The following GOLGA8S variants were observed in gnomAD, a reference collection of about 807,000 sequenced individuals.
The protein encoded by GOLGA8S is golgin A8 family member S, also known as golgin subfamily A member 8S.
GOLGA8S carries 23 observed loss-of-function variants against 58.9 expected under a neutral mutation model. The observed-to-expected ratio is 0.39, with a 90% CI of 0.28 to 0.55. The LOEUF (loss-of-function observed/expected upper bound fraction) is 0.55. Ranked by LOEUF, GOLGA8S falls within the 20% of genes least tolerant of loss-of-function variation. The probability of loss-of-function intolerance (pLI) is 0.63; values close to 1 mark genes in which losing one functional copy is unlikely to be tolerated. For missense variants in GOLGA8S, 266 were observed against 514.2 expected, an observed-to-expected ratio of 0.52 and a Z score of 4.67; for synonymous variants, 84 against 195.7, an observed-to-expected ratio of 0.43 and a Z score of 4.76.
At chr15:23,365,847 A>G (rs4036669), downstream of GOLGA8S, 4 of 157,624 alleles carry the variant, frequency 2.5e-5, no homozygotes, top group East Asian at 1.9e-4. Context: ...AGGAATTAGC[A>G]GTGTATTATG....
chr15:23,366,642 G>C (rs1002647551), downstream of GOLGA8S: 4 of 151,842 alleles, frequency 2.6e-5, 1 homozygote, highest in African/African-American at 9.7e-5. Context: ...GTATCTCTGG[G>C]TTTCTGTTCG....
downstream of GOLGA8S, among the ~76,000 whole-genome samples, chr15:23,367,633 T>C (rs1042361894): frequency 6.6e-6 from 1 of 151,862 alleles, no homozygotes; most frequent in African/African-American, 2.4e-5. Flanking sequence ...TGTATGACAA[T>C]AACTTAAGTC....
intron 4 of GOLGA8S, among the ~76,000 whole-genome samples, chr15:23,358,271 C>T (rs1347493208): frequency 6.6e-5 from 10 of 152,172 alleles, no homozygotes; most frequent in African/African-American, 2.2e-4. Context: ...ACCTTCAGTT[C>T]TGTGGCTGTG....
intron 4 of GOLGA8S, among the ~76,000 whole-genome samples, chr15:23,357,956 A>T (rs187176091): frequency 1.3e-5 from 2 of 149,736 alleles, no homozygotes; most frequent in African/African-American, 4.9e-5. Flanking sequence ...TTGATTCTGG[A>T]CAAGCCACCT....
chr15:23,360,982 C>T (rs1171507695), intron 11 of GOLGA8S, among the ~76,000 whole-genome samples, 167 bp downstream of exon 11: 4 of 148,514 alleles, frequency 2.7e-5, no homozygotes, highest in African/African-American at 9.9e-5. Flanking sequence ...CCTCAGTGTC[C>T]CCATCAGCAA....
intron 15 of GOLGA8S, among the ~76,000 whole-genome samples, chr15:23,364,119 G>A (rs1298963542): frequency 7.3e-6 from 1 of 137,102 alleles, no homozygotes; most frequent in Non-Finnish European, 1.6e-5. Flanking sequence ...GCCAGCGCCT[G>A]GCTCACCTGG....
chr15:23,359,421 G>A (rs1315894066), intron 8 of GOLGA8S, among the ~76,000 whole-genome samples: 3 of 146,912 alleles, frequency 2.0e-5, no homozygotes, highest in East Asian at 3.9e-4. Flanking sequence ...AGCACAGGAC[G>A]TAGAGCTTGG....
In GOLGA8S at chr15:23,359,378, C is replaced by T. The variant is rs553199815; in HGVS notation, c.591+169C>T. 5.1e-4 allele frequency among the ~76,000 whole-genome samples: 74 copies of T among 145,740 alleles called. 3 individuals are homozygous for T. Among genetic ancestry groups the T allele is most frequent in the African/African-American group, 1.7e-3 (68 of 39,098 alleles). ...CGGCAGCTTGGGACTGAGTCAGCTG[C>T]TGTGGGTGAGTTGGGGGGCACTCTG... On this transcript the variant is annotated intron_variant, in intron 8 of 18. Transcript: ENST00000562295.
At chr15:23,355,095 C>T (rs1234762828) in intron 1 of GOLGA8S, among the ~76,000 whole-genome samples, 5 of 68,564 alleles carry the variant, frequency 7.3e-5, no homozygotes, top group East Asian at 8.1e-4. Flanking sequence ...CACCAATCAC[C>T]CCAGGGTGAC....
Position 23,364,453 on chromosome 15 carries a change from AG to A in GOLGA8S, c.1448+12del. ...AAGAGAGATGCCATCAGTGAGTGGG[AG>A]GCCAGGGCACAGCAGGGGGAGCTAC... On this transcript the variant is annotated intron_variant, in intron 16 of 18. Coordinates refer to ENST00000562295, the Ensembl canonical transcript of GOLGA8S. 2 of 1,604,652 alleles carry A rather than the reference AG, an allele frequency of 1.2e-6. No homozygotes were observed. Among genetic ancestry groups the A allele is most frequent in the Non-Finnish European group, 1.7e-6 (2 of 1,178,700 alleles).
chr15:23,359,296 T>G, intron 8 of GOLGA8S, 87 bp downstream of exon 8: 1 of 667,804 alleles, frequency 1.5e-6, no homozygotes, highest in Non-Finnish European at 2.7e-6. Context: ...CAGGATGGAG[T>G]GTCCTGCCCA....
At chr15:23,365,430 A>G, downstream of GOLGA8S, 1 of 527,670 alleles carries the variant, frequency 1.9e-6, no homozygotes, top group Admixed American at 3.3e-5. Context: ...GTTCAAACAC[A>G]CAAAGACCCA....
At chr15:23,367,808 AT>A (rs2069945904), downstream of GOLGA8S, among the ~76,000 whole-genome samples, 1 of 151,936 alleles carries the variant, frequency 6.6e-6, no homozygotes, top group Non-Finnish European at 1.5e-5. Flanking sequence ...CACTGAATAC[AT>A]TTTAATTTCT....
rs1339287623 is a variant in GOLGA8S at position 23,361,235 on chromosome 15, C to T, written c.889C>T (p.Pro297Ser). 8.7e-6 allele frequency: 13 copies of T among 1,488,356 alleles called. 1 individual carries two copies. Among genetic ancestry groups the T allele is most frequent in the Non-Finnish European group, 1.2e-5 (13 of 1,079,424 alleles). The allele number at this position is 1,488,356 out of a possible 1,614,324, so 92.2% of individuals were successfully genotyped here. ...TCCTTTCTCAGCTGAACCTCTGCCCCCGGAGCCCCCAGCAGTGCCCTCTGA... is the reference window on the plus strand; with the variant it reads ...TCCTTTCTCAGCTGAACCTCTGCCCTCGGAGCCCCCAGCAGTGCCCTCTGA... The change falls in exon 12 of 19, where the codon CCG becomes TCG. Residue 297 changes from proline to serine, a missense_variant. Coordinates refer to ENST00000562295, the Ensembl canonical transcript of GOLGA8S.
chr15:23,361,335 A>C (rs1415033057), exon 12 of GOLGA8S: 2 of 1,189,076 alleles, frequency 1.7e-6, no homozygotes, highest in African/African-American at 3.0e-5. Context: ...GAGTACAATC[A>C]GCGCATAAGT....
intron 4 of GOLGA8S, among the ~76,000 whole-genome samples, chr15:23,358,134 G>GT (rs2069717548): frequency 6.6e-6 from 1 of 152,166 alleles, no homozygotes; most frequent in Non-Finnish European, 1.5e-5. Context: ...TGGCCCATAC[G>GT]TGCTCAGTAA....
chr15:23,364,061 G>GAGAAGC (rs2069859513), intron 15 of GOLGA8S, among the ~76,000 whole-genome samples: 1 of 136,322 alleles, frequency 7.3e-6, no homozygotes, highest in African/African-American at 2.6e-5. Context: ...TAGTGCCCAG[G>GAGAAGC]AGAAGCAGGC....
At chr15:23,356,233 T>C (rs1332122411) in intron 1 of GOLGA8S, among the ~76,000 whole-genome samples, 2 of 145,194 alleles carry the variant, frequency 1.4e-5, no homozygotes, top group African/African-American at 4.9e-5. Flanking sequence ...CTAACAGACG[T>C]GTGAGGATGT....
chr15:23,365,097 T>G (rs766793121), exon 19 of GOLGA8S: 1 of 1,585,706 alleles, frequency 6.3e-7, no homozygotes, highest in African/African-American at 1.4e-5. Flanking sequence ...TGTGTGCCAT[T>G]CTTTTGCTGG....
Sources: allele counts gnomAD v4.1 joint callset (sites outside exome capture counted in the v4.1 genomes callset), GRCh38; gene constraint gnomAD v4.1.1; transcripts MANE v1.5; gene names NCBI Gene and HGNC (gene_info 2026-07-23, HGNC 2026-07-21).